IL7: variants seen among roughly 807,000 people sequenced by gnomAD.
IL7 encodes interleukin 7.
A neutral mutation model predicts 21.6 loss-of-function variants in IL7; 3 were observed. The observed-to-expected ratio is 0.14, with a 90% CI of 0.06 to 0.36. IL7 has a LOEUF of 0.36. Ranked by LOEUF, IL7 falls within the 10% of genes least tolerant of loss-of-function variation. The pLI, the probability that IL7 is intolerant of heterozygous loss-of-function variation, is 1.00. For synonymous variants in IL7, 62 were observed against 68.1 expected (o/e 0.91, Z 0.44); for missense variants, 175 against 200.2 (o/e 0.87, Z 0.76).
intron 2 of IL7, among the ~76,000 whole-genome samples, chr8:78,767,738 T>A (rs1406093837): frequency 4.6e-5 from 7 of 152,246 alleles, no homozygotes; most frequent in Admixed American, 3.3e-4. Flanking sequence ...TATTGATATT[T>A]ATTAATATCT....
chr8:78,749,672 G>A (rs979948171), intron 2 of IL7, among the ~76,000 whole-genome samples: 2 of 152,170 alleles, frequency 1.3e-5, no homozygotes, highest in African/African-American at 4.8e-5. Flanking sequence ...AGTTGTGGGG[G>A]CTATATACTT....
downstream of IL7, among the ~76,000 whole-genome samples, chr8:78,715,062 A>G (rs1445826587): frequency 2.0e-5 from 3 of 152,192 alleles, no homozygotes; most frequent in African/African-American, 7.2e-5. Context: ...TTTAATATTA[A>G]CTACTATTTG....
chr8:78,709,932 A>T (rs548627216), intron 3 of IL7, among the ~76,000 whole-genome samples: 1 of 152,120 alleles, frequency 6.6e-6, no homozygotes, highest in African/African-American at 2.4e-5. Context: ...TCTTTTTGTT[A>T]TATCTCAATC....
At chr8:78,695,912 T>A (rs1810385846) in intron 3 of IL7, among the ~76,000 whole-genome samples, 1 of 152,234 alleles carries the variant, frequency 6.6e-6, no homozygotes, top group African/African-American at 2.4e-5. Context: ...TAGAAGGATA[T>A]AATGTTTGAC....
At chr8:78,715,017 A>G (rs1811056104), downstream of IL7, among the ~76,000 whole-genome samples, 1 of 152,190 alleles carries the variant, frequency 6.6e-6, no homozygotes, top group Admixed American at 6.5e-5. Context: ...TACTATCAGA[A>G]TAGTATTAGT....
intron 2 of IL7, among the ~76,000 whole-genome samples, chr8:78,740,927 T>G (rs1811758600): frequency 6.6e-6 from 1 of 152,128 alleles, no homozygotes; most frequent in African/African-American, 2.4e-5. Flanking sequence ...AAATCAATAA[T>G]TTAGTTGATA....
rs372621834 is a variant in IL7 at position 78,805,097 on chromosome 8, A to G, written c.-175T>C. On this transcript the variant is annotated 5_prime_UTR_variant, in exon 1 of 6. It removes an upstream start codon present in the reference 5' UTR. Transcript: ENST00000263851. ...CCACGCCGCGACTGCAGTTTCATCC[A>G]TCCCAAGGGGGGCGGCACACACTAC... 2 of 614,198 alleles carry G rather than the reference A, an allele frequency of 3.3e-6. No homozygotes were observed. The highest frequency in any genetic ancestry group is 6.4e-5 in the Admixed American group (2 of 31,082). The allele number at this position is 614,198 out of a possible 1,614,324, so 38.0% of individuals were successfully genotyped here.
At chr8:78,793,284 T>C (rs1252480519) in intron 2 of IL7, among the ~76,000 whole-genome samples, 1 of 152,090 alleles carries the variant, frequency 6.6e-6, no homozygotes, top group Non-Finnish European at 1.5e-5. Flanking sequence ...ATATTTCTTT[T>C]GGCAATGATG....
At chr8:78,789,331 A>T (rs1813611658) in intron 2 of IL7, among the ~76,000 whole-genome samples, 1 of 152,180 alleles carries the variant, frequency 6.6e-6, no homozygotes, top group South Asian at 2.1e-4. Flanking sequence ...TTTATATTTT[A>T]CTCTAGCATA....
At chr8:78,709,982 C>A (rs1489686488) in intron 3 of IL7, among the ~76,000 whole-genome samples, 1 of 152,080 alleles carries the variant, frequency 6.6e-6, no homozygotes, top group Non-Finnish European at 1.5e-5. Flanking sequence ...CCTAGTAAGC[C>A]ACACTAAAAT....
intron 3 of IL7, among the ~76,000 whole-genome samples, chr8:78,694,286 G>GTT (rs34581027): frequency 7.0e-6 from 1 of 142,464 alleles, no homozygotes. Flanking sequence ...TATGTTCCTT[G>GTT]TTTTTTTTTT....
intron 2 of IL7, chr8:78,760,471 C>A (rs1812514715): frequency 6.5e-7 from 1 of 1,544,646 alleles, no homozygotes; most frequent in African/African-American, 1.4e-5. Context: ...TATCTTTCCC[C>A]CTGTGTTTCC....
intron 2 of IL7, among the ~76,000 whole-genome samples, chr8:78,751,487 G>A (rs1812171255): frequency 6.6e-6 from 1 of 152,158 alleles, no homozygotes; most frequent in Admixed American, 6.5e-5. Flanking sequence ...TGCCTTGCAA[G>A]AAATCTTAGC....
intron 2 of IL7, among the ~76,000 whole-genome samples, chr8:78,784,992 C>A (rs1813463433): frequency 6.6e-6 from 1 of 152,000 alleles, no homozygotes; most frequent in African/African-American, 2.4e-5. Context: ...AAATTCTGAG[C>A]CACATTTTTA....
chr8:78,782,216 A>G (rs1813356199), intron 2 of IL7, among the ~76,000 whole-genome samples: 1 of 152,140 alleles, frequency 6.6e-6, no homozygotes, highest in African/African-American at 2.4e-5. Context: ...TACTTCTGCC[A>G]GTTTATCCAT....
intron 3 of IL7, among the ~76,000 whole-genome samples, chr8:78,708,695 T>C (rs1357655249): frequency 1.3e-5 from 2 of 151,038 alleles, no homozygotes; most frequent in Admixed American, 6.6e-5. Flanking sequence ...TTTTTTTTTT[T>C]TTGAGATGGA....
intron 3 of IL7, among the ~76,000 whole-genome samples, chr8:78,705,661 C>T (rs566102104): frequency 6.6e-6 from 1 of 152,238 alleles, no homozygotes; most frequent in South Asian, 2.1e-4. Flanking sequence ...GCTCTCCAAA[C>T]CCCAGAGACT....
intron 2 of IL7, among the ~76,000 whole-genome samples, chr8:78,745,106 T>C (rs1811935496): frequency 6.6e-6 from 1 of 152,248 alleles, no homozygotes; most frequent in Non-Finnish European, 1.5e-5. Context: ...GTTGGCCATC[T>C]TGGCCACTTC....
intron 3 of IL7, among the ~76,000 whole-genome samples, chr8:78,708,050 C>T (rs1165276869): frequency 6.6e-6 from 1 of 152,078 alleles, no homozygotes; most frequent in African/African-American, 2.4e-5. Flanking sequence ...AATCTATTGG[C>T]ATGTCACAGA....
Sources: gnomAD v4.1 joint callset for allele counts (sites outside exome capture counted in the v4.1 genomes callset) on GRCh38, gnomAD v4.1.1 for gene constraint, MANE v1.5 for transcripts, NCBI Gene and HGNC (gene_info 2026-07-23, HGNC 2026-07-21) for gene names.